Variants in GGT7 observed in about 807,000 individuals in gnomAD.
GGT7 encodes glutathione hydrolase 7.
GGT7 carries 30 observed loss-of-function variants against 69.2 expected under a neutral mutation model. The observed-to-expected ratio is 0.43, with a 90% CI of 0.32 to 0.59. The LOEUF is 0.59. Among genes scored for constraint, GGT7 ranks in the 20% least tolerant of loss-of-function variants. GGT7 has a pLI of 0.05. For missense variants in GGT7, 733 were observed against 901.1 expected (o/e 0.81, Z 2.39); for synonymous variants, 388 against 391.8 (o/e 0.99, Z 0.12).
At chr20:34,860,168 AAAGG>A in intron 5 of GGT7, 82 bp downstream of exon 5, 1 of 1,109,438 alleles carries the variant, frequency 9.0e-7, no homozygotes, top group Non-Finnish European at 1.4e-6. Flanking sequence ...GGGAGTTGGG[AAAGG>A]AAGAATCCAG....
At position 34,859,650 on chromosome 20, in the gene GGT7, G is replaced by A. The variant is rs778076463; in HGVS notation, c.818-11C>T. ...CAGCCAGGGCACGGGCTAGGGGCAG[G>A]GACGGGAGGCTGGGCAGGGCGGGAC... On this transcript the variant is annotated splice_polypyrimidine_tract_variant and intron_variant, in intron 6 of 14. Transcript: ENST00000336431. The A allele has an allele frequency of 6.3e-7, 1 of 1,578,326 alleles. No individual in the cohort carries two copies. Among genetic ancestry groups the A allele is most frequent in the Admixed American group, 1.8e-5 (1 of 56,650 alleles).
intron 3 of GGT7, 44 bp from the exon 4 acceptor site, chr20:34,861,606 C>A: frequency 8.6e-7 from 1 of 1,162,796 alleles, no homozygotes; most frequent in African/African-American, 1.6e-5. Context: ...AACATGCTAC[C>A]CCTCTGTACA....
rs541918122 is a variant in GGT7, at chr20:34,866,365, G to A, written c.170-2817C>T. On this transcript the variant is annotated intron_variant, in intron 1 of 14. Coordinates refer to ENST00000336431, the MANE Select transcript of GGT7 (RefSeq NM_178026.3). ...AGAAGGCTGAGGCAGGAGATCACTTGAGTCTAGAAGTTCAAAGCTGCAGTA... is the reference window on the plus strand; with the variant it reads ...AGAAGGCTGAGGCAGGAGATCACTTAAGTCTAGAAGTTCAAAGCTGCAGTA... Among the ~76,000 whole-genome samples the A allele has an allele frequency of 1.2e-3, 186 of 152,210 alleles. 1 individual carries two copies. The highest frequency in any genetic ancestry group is 3.3e-4 in the Admixed American group (5 of 15,292).
At position 34,854,895 on chromosome 20, in the gene GGT7, C is replaced by A; in HGVS notation, c.1131G>T (p.Pro377=). ...RGHLVLSPPP[P]HTGPALISAL... is the part of the protein sequence containing the mutation. Reference sequence around the variant, plus strand: ...CACTGATGAGGGCAGGGCCCGTGTGCGGAGGTGGGGGACTAAGAACCAGGT... The same window carrying A: ...CACTGATGAGGGCAGGGCCCGTGTGAGGAGGTGGGGGACTAAGAACCAGGT... The change falls in exon 9 of 15, where the codon CCG becomes CCT. Residue 377 remains proline (P), a synonymous_variant. Coordinates refer to ENST00000336431, the MANE Select transcript of GGT7 (RefSeq NM_178026.3). 1 of 1,613,728 alleles carries A rather than the reference C, an allele frequency of 6.2e-7. No individual in the cohort carries two copies. Among genetic ancestry groups the A allele is most frequent in the Non-Finnish European group, 8.5e-7 (1 of 1,179,824 alleles).
chr20:34,851,409 G>A (rs2146887945), intron 12 of GGT7, 41 bp from the exon 13 acceptor site: 2 of 1,574,650 alleles, frequency 1.3e-6, no homozygotes, highest in Non-Finnish European at 1.7e-6. Context: ...CAGGTGGGGT[G>A]GGACAAGACC....
Position 34,860,050 on chromosome 20 carries a change from G to C in GGT7, c.744-8C>G. ...ACTTGGGACCATGGCAGCCTGGGGG[G>C]GCCGGAGAGCAGGGGGTGGAGGAGG... On this transcript the variant is annotated splice_polypyrimidine_tract_variant and splice_region_variant and intron_variant, in intron 5 of 14. Coordinates refer to ENST00000336431, the MANE Select transcript of GGT7 (RefSeq NM_178026.3). 7 of 1,540,534 alleles carry C rather than the reference G, an allele frequency of 4.5e-6. No homozygotes were observed. The highest frequency in any genetic ancestry group is 6.2e-6 in the Non-Finnish European group (7 of 1,132,938).
At chr20:34,850,120 C>T (rs1376160165) in intron 13 of GGT7, 60 bp from the exon 14 acceptor site, 1 of 1,139,298 alleles carries the variant, frequency 8.8e-7, no homozygotes, top group African/African-American at 1.5e-5. Context: ...TCCAGGATTC[C>T]TCAGCTCTCA....
intron 1 of GGT7, among the ~76,000 whole-genome samples, chr20:34,864,367 C>T (rs1201322365): frequency 3.3e-5 from 5 of 152,060 alleles, no homozygotes; most frequent in Non-Finnish European, 1.5e-5. Flanking sequence ...AAAAAAATAA[C>T]CAAGGCCTGG....
At chr20:34,870,843 G>A (rs1280279676) in intron 1 of GGT7, among the ~76,000 whole-genome samples, 1 of 152,096 alleles carries the variant, frequency 6.6e-6, no homozygotes, top group East Asian at 1.9e-4. Context: ...CCAGGCTGGA[G>A]TGCAGTGGAG....
intron 6 of GGT7, 133 bp from the exon 7 acceptor site, chr20:34,859,772 C>T (rs552536021): frequency 2.4e-5 from 20 of 844,558 alleles, no homozygotes; most frequent in East Asian, 1.9e-4. Context: ...CTGTTAAGTG[C>T]GAGGCAGGGA....
intron 4 of GGT7, 65 bp downstream of exon 4, chr20:34,861,380 T>G (rs745589545): frequency 2.8e-6 from 2 of 713,982 alleles, no homozygotes; most frequent in South Asian, 4.7e-5. Context: ...AATTAATGCT[T>G]GGGTTAGCAG....
chr20:34,870,080 G>C (rs2079755912), intron 1 of GGT7, among the ~76,000 whole-genome samples: 1 of 152,138 alleles, frequency 6.6e-6, no homozygotes, highest in African/African-American at 2.4e-5. Context: ...CCACTAGATG[G>C]TACCACCAGG....
chr20:34,845,037 G>C lies in GGT7; in HGVS notation c.*291C>G, dbSNP rs1169631552. On this transcript the variant is annotated 3_prime_UTR_variant, in exon 15 of 15. Coordinates refer to ENST00000336431, the MANE Select transcript of GGT7 (RefSeq NM_178026.3). ...GCTCGGGGCCAGCATGGCTGAAGGA[G>C]GAGAGGTGACACACAGACAGATAGT... 4 of 420,318 alleles carry C rather than the reference G, an allele frequency of 9.5e-6. No individual in the cohort carries two copies. The highest frequency in any genetic ancestry group is 2.0e-5 in the African/African-American group (1 of 50,172). 26.0% of individuals were successfully genotyped at this position (420,318 alleles called of 1,614,324 possible). A position where few individuals can be genotyped will look rare whatever the true frequency, so the allele number is the denominator to read the frequency against.
chr20:34,863,593 C>T lies in GGT7; in HGVS notation c.170-45G>A, dbSNP rs1455859187. On this transcript the variant is annotated intron_variant, in intron 1 of 14. Transcript: ENST00000336431. The surrounding 1 kb of genome is among the most constrained non-coding windows in gnomAD (Gnocchi z 4.4). ...GTCGGTCTGGGCATCTCCTATCTGG[C>T]CCTGCCCACCCTCCAGGTGGGACTA... 5 of 1,269,784 alleles carry T rather than the reference C, an allele frequency of 3.9e-6. No individual in the cohort carries two copies. Among genetic ancestry groups the T allele is most frequent in the Non-Finnish European group, 4.5e-6 (4 of 891,710 alleles). 78.7% of individuals were successfully genotyped at this position (1,269,784 alleles called of 1,614,324 possible).
Position 34,863,007 on chromosome 20 carries a change from T to C in GGT7, c.406-42A>G. 1 of 1,579,690 alleles carries C rather than the reference T, an allele frequency of 6.3e-7. No individual in the cohort carries two copies. The highest frequency in any genetic ancestry group is 8.6e-7 in the Non-Finnish European group (1 of 1,161,010). On this transcript the variant is annotated intron_variant, in intron 2 of 14. Coordinates refer to ENST00000336431, the MANE Select transcript of GGT7 (RefSeq NM_178026.3). The surrounding 1 kb of genome is among the most constrained non-coding windows in gnomAD (Gnocchi z 4.4). ...GACTTGGTGGGGGCAGGAGGAGCTG[T>C]CCACCTCCCTAGGGCACCTCCACTA...
Position 34,845,152 on chromosome 20 carries a change from CACAGG to C in GGT7, c.*171_*175del. 3.6e-6 allele frequency: 2 copies of C among 548,756 alleles called. No homozygotes were observed. The highest frequency in any genetic ancestry group is 6.5e-6 in the Non-Finnish European group (2 of 308,024). 34.0% of individuals were successfully genotyped at this position (548,756 alleles called of 1,614,324 possible). A position where few individuals can be genotyped will look rare whatever the true frequency, so the allele number is the denominator to read the frequency against. Reference sequence around the variant, plus strand: ...CCACCACCACCACCACCACCACCACCACAGGCCTCCTGATGGAGAATTTTCCAGTT... The same window carrying C: ...CCACCACCACCACCACCACCACCACCCCTCCTGATGGAGAATTTTCCAGTT... On this transcript the variant is annotated 3_prime_UTR_variant, in exon 15 of 15. Coordinates refer to ENST00000336431, the MANE Select transcript of GGT7 (RefSeq NM_178026.3).
chr20:34,859,086 C>T (rs772743382), intron 7 of GGT7, among the ~76,000 whole-genome samples: 2 of 151,946 alleles, frequency 1.3e-5, no homozygotes, highest in Non-Finnish European at 2.9e-5. Context: ...AGGAGACTCA[C>T]TTGAACCTGG....
rs747530699 is a variant in GGT7 at position 34,852,237 on chromosome 20, G to C, written c.1505C>G (p.Thr502Ser). 3 of 1,614,018 alleles carry C rather than the reference G, an allele frequency of 1.9e-6. No individual in the cohort carries two copies. In the Admixed American group the frequency reaches 5.0e-5, roughly 27 times the overall value. The change falls in exon 12 of 15, where the codon ACC (threonine) becomes AGC (serine). Residue 502 changes from threonine (T) to serine (S), a missense_variant. Physicochemically the swap from Thr to Ser is moderately conservative, Grantham distance 58. Transcript: ENST00000336431. Reference sequence around the variant, plus strand: ...GCTGTTGAGCAGGATCCCCGAGGGGGTGATAAGGCCGCTGCCAAAGGGCTG... The same window carrying C: ...GCTGTTGAGCAGGATCCCCGAGGGGCTGATAAGGCCGCTGCCAAAGGGCTG... ...LNQPFGSGLI[T>S]PSGILLNSQM...
chr20:34,846,407 G>A (rs1056945372), intron 14 of GGT7, among the ~76,000 whole-genome samples: 12 of 151,660 alleles, frequency 7.9e-5, no homozygotes, highest in Non-Finnish European at 1.8e-4. Flanking sequence ...AGGTTCAAGC[G>A]ATTCTCCTGC....
Sources: gnomAD v4.1 joint callset for allele counts (sites outside exome capture counted in the v4.1 genomes callset) on GRCh38, gnomAD v4.1.1 for gene constraint, Gnocchi (gnomAD v3.1) non-coding constraint, MANE v1.5 for transcripts, NCBI Gene and HGNC (gene_info 2026-07-23, HGNC 2026-07-21) for gene names.